CDC16: variants seen among roughly 807,000 people sequenced by gnomAD.
CDC16 encodes cell division cycle protein 16 homolog.
Under a neutral mutation model 87.0 loss-of-function variants are expected in CDC16, and 34 were observed. The observed-to-expected ratio is 0.39, with a 90% CI of 0.30 to 0.52. The LOEUF is 0.52. Among genes scored for constraint, CDC16 ranks in the 20% least tolerant of loss-of-function variants. The pLI is 0.74. For synonymous variants in CDC16, 263 were observed against 260.6 expected (o/e 1.01, Z -0.09); for missense variants, 653 against 751.9 (o/e 0.87, Z 1.54).
chr13:114,267,873 A>G (rs1468713764), intron 17 of CDC16, among the ~76,000 whole-genome samples: 1 of 151,950 alleles, frequency 6.6e-6, no homozygotes, highest in Non-Finnish European at 1.5e-5. Flanking sequence ...TCCTCCAAGG[A>G]GAGCCTCAAG....
chr13:114,256,993 G>A, intron 12 of CDC16, 85 bp from the exon 13 acceptor site: 1 of 809,128 alleles, frequency 1.2e-6, no homozygotes, highest in South Asian at 2.1e-5. Flanking sequence ...AAATTATTTT[G>A]CAGATAGGAT....
intron 12 of CDC16, among the ~76,000 whole-genome samples, chr13:114,252,347 T>A (rs2082243336): frequency 6.6e-6 from 1 of 152,230 alleles, no homozygotes; most frequent in South Asian, 2.1e-4. Context: ...TAACCTTTAT[T>A]ATCTTTTCAT....
chr13:114,246,733 G>A (rs1194177705), intron 10 of CDC16, among the ~76,000 whole-genome samples, 198 bp from the exon 11 acceptor site: 1 of 152,124 alleles, frequency 6.6e-6, no homozygotes, highest in Admixed American at 6.5e-5. Context: ...TTGTGTAGAC[G>A]TCTCCTTGAG....
At chr13:114,248,482 A>C (rs1291294259) in intron 11 of CDC16, among the ~76,000 whole-genome samples, 2 of 152,172 alleles carry the variant, frequency 1.3e-5, no homozygotes, top group Non-Finnish European at 1.5e-5. Context: ...GGAGTTCGAG[A>C]CCAGCCTGGC....
At chr13:114,236,573 A>C in intron 1 of CDC16, 72 bp from the exon 2 acceptor site, 1 of 1,244,614 alleles carries the variant, frequency 8.0e-7, no homozygotes, top group Non-Finnish European at 1.1e-6. Flanking sequence ...GAATTATAAT[A>C]ATATTAGATA....
Position 114,235,101 on chromosome 13 carries a change from T to C in CDC16, c.17T>C (p.Leu6Pro). The C allele has an allele frequency of 8.0e-7, 1 of 1,245,164 alleles. No individual in the cohort carries two copies. The highest frequency in any genetic ancestry group is 1.0e-6 in the Non-Finnish European group (1 of 995,190). The allele number at this position is 1,245,164 out of a possible 1,614,324, so 77.1% of individuals were successfully genotyped here. A position where few individuals can be genotyped will look rare whatever the true frequency, so the allele number is the denominator to read the frequency against. MNLER[L>P]RKRVRQYLDQ... Reference sequence around the variant, plus strand: ...CGCGCCGCCATGAACCTAGAGCGGCTGCGGAAGCGCGTCCGGCAGTACCTC... The same window carrying C: ...CGCGCCGCCATGAACCTAGAGCGGCCGCGGAAGCGCGTCCGGCAGTACCTC... The change falls in exon 1 of 18, where the codon CTG (leucine) becomes CCG (proline). Residue 6 changes from leucine to proline, a missense_variant. Physicochemically the swap from Leu to Pro is moderately conservative, Grantham distance 98 (BLOSUM62 -3). Transcript: ENST00000356221.
At position 114,259,337 on chromosome 13, in the gene CDC16, G is replaced by T. The variant is rs1269678473; in HGVS notation, c.1253G>T (p.Trp418Leu). The part of the protein sequence containing the change: ...VGVVAFQNGE[W>L]KTAEKWFLDA... ...AACCTTTTTTCCTTTCATTTTAGAT[G>T]GAAAACAGCCGAAAAATGGTTTCTT... The change falls in exon 14 of 18, where the codon TGG becomes TTG. Residue 418 changes from tryptophan to leucine, a missense_variant and splice_region_variant. Physicochemically the swap from Trp to Leu is moderately conservative, Grantham distance 61 (BLOSUM62 -2). Transcript: ENST00000356221. 11 of 1,567,938 alleles carry T rather than the reference G, an allele frequency of 7.0e-6. No homozygotes were observed. Among genetic ancestry groups the T allele is most frequent in the Non-Finnish European group, 9.4e-6 (11 of 1,167,628 alleles).
chr13:114,265,059 T>G (rs1025263440), intron 16 of CDC16, 91 bp from the exon 17 acceptor site: 5 of 949,646 alleles, frequency 5.3e-6, no homozygotes, highest in African/African-American at 4.8e-5. Flanking sequence ...TCCCCCACCC[T>G]GGATGCCCTG....
chr13:114,240,011 T>TAA (rs11322000), intron 5 of CDC16, among the ~76,000 whole-genome samples: 3,660 of 149,886 alleles, frequency 0.024, 154 homozygotes, highest in African/African-American at 0.085. Context: ...AATCTGGATT[T>TAA]AAAAAAAAAA....
At chr13:114,248,792 C>T (rs988065679) in intron 11 of CDC16, among the ~76,000 whole-genome samples, 1 of 152,036 alleles carries the variant, frequency 6.6e-6, no homozygotes, top group Non-Finnish European at 1.5e-5. Flanking sequence ...CTAGAATGTT[C>T]CCTGGTTGGT....
chr13:114,246,985 C>T lies in CDC16; in HGVS notation c.952C>T (p.His318Tyr), dbSNP rs780024271. Residue 318 changes from histidine (H) to tyrosine (Y), a missense_variant, in exon 11 of 18, where the codon CAT becomes TAT. By Grantham distance (83) the His-to-Tyr change is moderately conservative (BLOSUM62 2). Transcript: ENST00000356221. ...YYLMVGHKNE[H>Y]ARRYLSKATT... Reference sequence around the variant, plus strand: ...TCTCATGGTCGGTCATAAAAATGAACATGCCAGAAGATATCTCAGGTATGA... The same window carrying T: ...TCTCATGGTCGGTCATAAAAATGAATATGCCAGAAGATATCTCAGGTATGA... 6.2e-7 allele frequency: 1 copy of T among 1,611,364 alleles called. No homozygotes were observed. Among genetic ancestry groups the T allele is most frequent in the South Asian group, 1.1e-5 (1 of 91,018 alleles).
At chr13:114,250,709 G>A (rs1424269209) in intron 12 of CDC16, 35 bp downstream of exon 12, 1 of 1,603,022 alleles carries the variant, frequency 6.2e-7, no homozygotes, top group Admixed American at 1.7e-5. Context: ...CTCCATGAAG[G>A]GATGTTTTTC....
chr13:114,253,225 T>C (rs2082295027), intron 12 of CDC16, among the ~76,000 whole-genome samples: 1 of 152,218 alleles, frequency 6.6e-6, no homozygotes, highest in South Asian at 2.1e-4. Context: ...GGATGAATAT[T>C]TTTACGTGTC....
chr13:114,251,677 CCA>C (rs1268356315), intron 12 of CDC16, among the ~76,000 whole-genome samples: 2 of 152,156 alleles, frequency 1.3e-5, no homozygotes, highest in Non-Finnish European at 2.9e-5. Context: ...TAACAAAATA[CCA>C]CAGACTGGGT....
intron 3 of CDC16, 27 bp downstream of exon 3, chr13:114,236,923 T>C (rs754004057): frequency 1.4e-6 from 2 of 1,412,562 alleles, no homozygotes; most frequent in Non-Finnish European, 1.9e-6. Flanking sequence ...ACTTTAAAGC[T>C]CTTCAGAGCT....
At chr13:114,241,260 T>C (rs77890555) in intron 5 of CDC16, among the ~76,000 whole-genome samples, 435 of 152,308 alleles carry the variant, frequency 2.9e-3, no homozygotes, top group African/African-American at 9.6e-3. Flanking sequence ...AGTTAGATAG[T>C]GTTTTTATCT....
At chr13:114,241,030 A>G (rs563454248) in intron 5 of CDC16, among the ~76,000 whole-genome samples, 3 of 152,226 alleles carry the variant, frequency 2.0e-5, no homozygotes, top group Admixed American at 6.5e-5. Flanking sequence ...AATCTTCTTC[A>G]TATCCTTAAT....
At chr13:114,270,915 T>G (rs986953383) in intron 17 of CDC16, among the ~76,000 whole-genome samples, 16 of 95,218 alleles carry the variant, frequency 1.7e-4, no homozygotes, top group African/African-American at 8.4e-4. Flanking sequence ...GAGATTTACC[T>G]TTTTTTTTTT....
chr13:114,243,223 TG>T (rs2081649680), intron 6 of CDC16, 33 bp from the exon 7 acceptor site: 6 of 934,722 alleles, frequency 6.4e-6, no homozygotes, highest in Non-Finnish European at 1.1e-5. Flanking sequence ...ATAAATATTA[TG>T]AGGATATTCT....
Sources: gnomAD v4.1 joint callset for allele counts (sites outside exome capture counted in the v4.1 genomes callset) on GRCh38, gnomAD v4.1.1 for gene constraint, MANE v1.5 for transcripts, NCBI Gene and HGNC (gene_info 2026-07-23, HGNC 2026-07-21) for gene names.